TRPM3: variants seen among roughly 807,000 people sequenced by gnomAD.
The protein encoded by TRPM3 is transient receptor potential cation channel subfamily M member 3, also known as long transient receptor potential channel 3.
In TRPM3, 77 loss-of-function variants were observed where a neutral mutation model predicts 181.2. That is an observed-to-expected ratio of 0.42 (90% CI 0.35 to 0.51). The LOEUF (loss-of-function observed/expected upper bound fraction) is 0.51, where lower values mean the gene tolerates loss of function less well. Ranked by LOEUF, TRPM3 falls within the 20% of genes least tolerant of loss-of-function variation. The pLI, the probability that TRPM3 is intolerant of heterozygous loss-of-function variation, is 0.01. For missense variants in TRPM3, 1,759 were observed against 2,196.7 expected (o/e 0.80, Z 3.98); for synonymous variants, 745 against 796.4 (o/e 0.94, Z 1.09).
At chr9:71,152,944 T>C (rs1334629466) in intron 1 of TRPM3, among the ~76,000 whole-genome samples, 1 of 152,114 alleles carries the variant, frequency 6.6e-6, no homozygotes, top group Non-Finnish European at 1.5e-5. Flanking sequence ...GACTGCAAGT[T>C]GATTAGTAAA....
chr9:70,805,145 G>C (rs1470872873), intron 6 of TRPM3, among the ~76,000 whole-genome samples: 1 of 146,758 alleles, frequency 6.8e-6, no homozygotes, highest in African/African-American at 2.5e-5. Flanking sequence ...CTGTAAGCAC[G>C]AGAGAAGGAG....
intron 1 of TRPM3, among the ~76,000 whole-genome samples, chr9:71,351,468 G>A (rs891453424): frequency 1.3e-5 from 2 of 152,266 alleles, no homozygotes; most frequent in South Asian, 2.1e-4. Flanking sequence ...CTGAATGATC[G>A]AAACTATATA....
chr9:71,202,291 A>C (rs1274307921), intron 1 of TRPM3, among the ~76,000 whole-genome samples: 2 of 145,842 alleles, frequency 1.4e-5, no homozygotes, highest in Non-Finnish European at 3.0e-5. Context: ...TCAGGGACCC[A>C]CTTGAGGAGG....
intron 25 of TRPM3, among the ~76,000 whole-genome samples, chr9:70,542,753 G>A (rs1289300031): frequency 6.6e-6 from 1 of 152,216 alleles, no homozygotes; most frequent in Non-Finnish European, 1.5e-5. Context: ...GACATTCCCT[G>A]AGTGCTGGCA....
Position 70,921,947 on chromosome 9 carries a change from ACAC to A in TRPM3, c.178-57439_178-57437del, listed in dbSNP as rs1564766530. 5.3e-5 allele frequency among the ~76,000 whole-genome samples: 8 copies of A among 150,334 alleles called. No homozygotes were observed. In the East Asian group the frequency reaches 7.9e-4, roughly 15 times the overall value. On this transcript the variant is annotated intron_variant, in intron 1 of 25. Transcript: ENST00000677713. ...CACACACACACACACAAACAAACACACACACACACACACACACACACACACACA... is the reference window on the plus strand; with the variant it reads ...CACACACACACACACAAACAAACACAACACACACACACACACACACACACA...
At chr9:70,685,563 T>C (rs1301418945) in intron 8 of TRPM3, among the ~76,000 whole-genome samples, 1 of 151,972 alleles carries the variant, frequency 6.6e-6, no homozygotes, top group Non-Finnish European at 1.5e-5. Flanking sequence ...GCACCACCAC[T>C]CTCTGATAAA....
At chr9:71,093,083 C>A (rs1487138771) in intron 1 of TRPM3, among the ~76,000 whole-genome samples, 1 of 152,058 alleles carries the variant, frequency 6.6e-6, no homozygotes, top group Non-Finnish European at 1.5e-5. Context: ...CAAAAATTAA[C>A]TTAGGGTGGA....
chr9:70,804,372 CT>C (rs2090128210), intron 6 of TRPM3, among the ~76,000 whole-genome samples: 1 of 152,060 alleles, frequency 6.6e-6, no homozygotes, highest in South Asian at 2.1e-4. Flanking sequence ...AACTACTGTT[CT>C]TTATTGGATA....
rs941362904 is a variant in TRPM3 at position 70,593,824 on chromosome 9, T to C, written c.3049-2619A>G. Among the ~76,000 whole-genome samples, 30 of 148,862 alleles carry C rather than the reference T, an allele frequency of 2.0e-4. 1 individual carries two copies. In the East Asian group the frequency reaches 5.4e-3, roughly 27 times the overall value. On this transcript the variant is annotated intron_variant, in intron 21 of 25. Transcript: ENST00000677713. ...TTGTAAATATCTTTCTGTTGTGTTCTACAGAGGAGAGTATATAATATATAT... is the reference window on the plus strand; with the variant it reads ...TTGTAAATATCTTTCTGTTGTGTTCCACAGAGGAGAGTATATAATATATAT...
intron 1 of TRPM3, among the ~76,000 whole-genome samples, chr9:71,041,105 A>G (rs2058760953): frequency 1.3e-5 from 2 of 152,284 alleles, no homozygotes; most frequent in East Asian, 1.9e-4. Context: ...TAGTGTTAGG[A>G]AAGAGAATAT....
At chr9:70,957,811 C>T (rs187030671) in intron 1 of TRPM3, among the ~76,000 whole-genome samples, 26 of 152,252 alleles carry the variant, frequency 1.7e-4, no homozygotes, top group African/African-American at 6.0e-4. Context: ...ACTTCCTCTA[C>T]TGTAATATGA....
chr9:71,381,004 T>C lies in TRPM3; in HGVS notation c.183+65649A>G, dbSNP rs2132870404. ...TCCTGTATCCACTGGAAGGATACTA[T>C]ATACACAAGTTAAGATAAGCAAGTG... On this transcript the variant is annotated intron_variant, in intron 1 of 24. Transcript: ENST00000357533. Among the ~76,000 whole-genome samples, 3 of 152,224 alleles carry C rather than the reference T, an allele frequency of 2.0e-5. No individual in the cohort carries two copies. In the South Asian group the frequency reaches 6.2e-4, roughly 32 times the overall value.
chr9:70,669,879 G>A (rs2062593257), intron 9 of TRPM3, among the ~76,000 whole-genome samples: 1 of 151,858 alleles, frequency 6.6e-6, no homozygotes, highest in Admixed American at 6.6e-5. Flanking sequence ...TGGGACTACA[G>A]GTATGCACCA....
At chr9:71,177,443 C>A (rs1316711290) in intron 1 of TRPM3, among the ~76,000 whole-genome samples, 2 of 152,132 alleles carry the variant, frequency 1.3e-5, no homozygotes, top group South Asian at 4.1e-4. Context: ...GGTTACACAG[C>A]ATAGCCTAGG....
Position 70,610,712 on chromosome 9 carries a change from T to C in TRPM3, c.2564A>G (p.Lys855Arg). The C allele has an allele frequency of 6.2e-7, 1 of 1,614,174 alleles. No homozygotes were observed. The highest frequency in any genetic ancestry group is 8.5e-7 in the Non-Finnish European group (1 of 1,179,998). ...GCTCTGAACTTCCTCTTCATCCTTCTTCCTGGAGGACTCCCCGTTGTTTCG... is the reference window on the plus strand; with the variant it reads ...GCTCTGAACTTCCTCTTCATCCTTCCTCCTGGAGGACTCCCCGTTGTTTCG... ...LGRNNGESSR[K>R]KDEEEVQSKH... The change falls in exon 19 of 26, where the codon AAG (lysine) becomes AGG (arginine). Residue 855 changes from lysine to arginine, a missense_variant. Coordinates refer to ENST00000677713, the MANE Select transcript of TRPM3 (RefSeq NM_001366145.2).
chr9:71,345,037 G>A (rs904637674), intron 1 of TRPM3, among the ~76,000 whole-genome samples: 9 of 152,214 alleles, frequency 5.9e-5, no homozygotes, highest in African/African-American at 2.2e-4. Context: ...AAACCACAAT[G>A]AGATACCATC....
In TRPM3 at chr9:71,282,430, A is replaced by AAGAAAAAG. The variant is rs199541924; in HGVS notation, c.183+164222_183+164223insCTTTTTCT. Among the ~76,000 whole-genome samples, 221 of 37,758 alleles carry AAGAAAAAG rather than the reference A, an allele frequency of 5.9e-3. 5 individuals carry two copies. Among genetic ancestry groups the AAGAAAAAG allele is most frequent in the Non-Finnish European group, 7.6e-3 (133 of 17,462 alleles). 24.8% of individuals were successfully genotyped at this position (37,758 alleles called of 152,430 possible). On this transcript the variant is annotated intron_variant, in intron 1 of 24. Coordinates refer to the TRPM3 transcript ENST00000357533. ...AGAAAGAAAAAGAAAAAGAAAGAAA[A>AAGAAAAAG]AAAGAAAGAGAAAATTGTAACTAAA...
At chr9:70,865,030 C>A in intron 1 of TRPM3, among the ~76,000 whole-genome samples, 1 of 122,448 alleles carries the variant, frequency 8.2e-6, no homozygotes, top group Non-Finnish European at 1.6e-5. Flanking sequence ...ATTAACAGTG[C>A]TAAGTACAGG....
intron 1 of TRPM3, among the ~76,000 whole-genome samples, chr9:71,233,200 T>C (rs1173159088): frequency 6.6e-6 from 1 of 152,204 alleles, no homozygotes; most frequent in Non-Finnish European, 1.5e-5. Context: ...TAATGTCCTT[T>C]TCAAATCAAA....
Sources: gnomAD v4.1 joint callset for allele counts (sites outside exome capture counted in the v4.1 genomes callset) on GRCh38, gnomAD v4.1.1 for gene constraint, MANE v1.5 for transcripts, NCBI Gene and HGNC (gene_info 2026-07-23, HGNC 2026-07-21) for gene names.